Variants in KHK observed in about 807,000 individuals in gnomAD.
KHK encodes the protein fructokinase.
KHK carries 37 observed loss-of-function variants against 36.0 expected under a neutral mutation model. The ratio of observed to expected loss-of-function variants is 1.03; its 90% CI spans 0.79 to 1.35. KHK has a LOEUF of 1.35. KHK is among the 40% of genes most tolerant of loss of function. The probability of loss-of-function intolerance (pLI) is 0.00; values close to 1 mark genes in which losing one functional copy is unlikely to be tolerated. For synonymous variants in KHK, 161 were observed against 162.8 expected (o/e 0.99, Z 0.08); for missense variants, 395 against 391.9 (o/e 1.01, Z -0.07).
At chr2:27,097,221 A>C (rs1262509546) in intron 4 of KHK, among the ~76,000 whole-genome samples, 3 of 152,230 alleles carry the variant, frequency 2.0e-5, no homozygotes, top group Non-Finnish European at 4.4e-5. Context: ...GGGTGGAAGG[A>C]AATCCTGAGA....
In KHK at chr2:27,097,665, A is replaced by G. The variant is rs751920749; in HGVS notation, c.564+16A>G. On this transcript the variant is annotated intron_variant, in intron 5 of 7. Transcript: ENST00000260598. ...CGGAGACGTGGTGGGTGCCCCATTC[A>G]GCCTCTCTTTGCCACTTCCAGCTAA... 8.1e-6 allele frequency: 13 copies of G among 1,613,608 alleles called. No homozygotes were observed. In the South Asian group the frequency reaches 1.4e-4, roughly 18 times the overall value.
chr2:27,094,829 G>A lies in KHK; in HGVS notation c.239G>A (p.Gly80Asp), dbSNP rs957958227. 1.9e-6 allele frequency: 3 copies of A among 1,614,042 alleles called. No individual in the cohort carries two copies. Among genetic ancestry groups the A allele is most frequent in the South Asian group, 1.1e-5 (1 of 91,084 alleles). Residue 80 changes from glycine to aspartate, a missense_variant, in exon 3 of 8, where the codon GGC becomes GAC. Transcript: ENST00000260598. Reference sequence around the variant, plus strand: ...CTGGTGGCCGACTTCAGGCGGCGGGGCGTGGACGTGTCTCAGGTGGCCTGG... The same window carrying A: ...CTGGTGGCCGACTTCAGGCGGCGGGACGTGGACGTGTCTCAGGTGGCCTGG... Reference protein sequence around the residue: ...DFLVADFRRRGVDVSQVAWQS... With the variant: ...DFLVADFRRRDVDVSQVAWQS...
chr2:27,089,076 T>C (rs1669832444), intron 1 of KHK, among the ~76,000 whole-genome samples: 1 of 152,204 alleles, frequency 6.6e-6, no homozygotes. Flanking sequence ...AAATCCTTTA[T>C]ACAGATAAGG....
chr2:27,092,561 G>C, intron 2 of KHK, 113 bp downstream of exon 2: 3 of 790,016 alleles, frequency 3.8e-6, no homozygotes, highest in Non-Finnish European at 6.4e-6. Context: ...GTGTCCAGCA[G>C]AAACGCGGGG....
intron 3 of KHK, among the ~76,000 whole-genome samples, chr2:27,096,106 G>C (rs1239703926): frequency 2.0e-5 from 3 of 152,222 alleles, no homozygotes; most frequent in Admixed American, 2.0e-4. Flanking sequence ...GAAGGACTCG[G>C]CTACAGAACG....
chr2:27,097,637 C>G lies in KHK; in HGVS notation c.552C>G (p.Gly184=), dbSNP rs371733776. 21 of 1,614,100 alleles carry G rather than the reference C, an allele frequency of 1.3e-5. No individual in the cohort carries two copies. In the African/African-American group the frequency reaches 2.5e-4, roughly 19 times the overall value. The stretch of plus-strand genomic sequence containing the variant: ...GAGAGGAGCTCTTCCAGCTGTTTGG[C>G]TACGGAGACGTGGTGGGTGCCCCAT... ...KPREELFQLF[G]YGDVVFVSKD... The change falls in exon 5 of 8, where the codon GGC becomes GGG. Residue 184 remains glycine (G), a synonymous_variant. Coordinates refer to ENST00000260598, the MANE Select transcript of KHK (RefSeq NM_006488.3).
In KHK at chr2:27,099,953, A is replaced by C; in HGVS notation, c.*203A>C. On this transcript the variant is annotated 3_prime_UTR_variant, in exon 8 of 8. Coordinates refer to ENST00000260598, the MANE Select transcript of KHK (RefSeq NM_006488.3). ...GGGATGCAGAGCCTCAGAGCAAATAAATCTTCCTCAGAGCCAGCTTCTCCT... is the reference window on the plus strand; with the variant it reads ...GGGATGCAGAGCCTCAGAGCAAATACATCTTCCTCAGAGCCAGCTTCTCCT... 8.6e-7 allele frequency: 1 copy of C among 1,166,532 alleles called. No homozygotes were observed. Among genetic ancestry groups the C allele is most frequent in the South Asian group, 1.3e-5 (1 of 75,568 alleles). 72.3% of individuals were successfully genotyped at this position (1,166,532 alleles called of 1,614,324 possible). A position where few individuals can be genotyped will look rare whatever the true frequency, so the allele number is the denominator to read the frequency against.
intron 2 of KHK, among the ~76,000 whole-genome samples, chr2:27,093,855 C>T (rs762571073): frequency 3.9e-5 from 6 of 152,282 alleles, no homozygotes; most frequent in African/African-American, 9.6e-5. Flanking sequence ...GCATCAGGCA[C>T]GGGGAGCCAG....
Position 27,087,188 on chromosome 2 carries a change from C to A in KHK, c.-72C>A. On this transcript the variant is annotated 5_prime_UTR_variant, in exon 1 of 8. Coordinates refer to ENST00000260598, the MANE Select transcript of KHK (RefSeq NM_006488.3). Reference sequence around the variant, plus strand: ...GGCAGCTGGGAGCGGGGACACCATCCTCCTGGATAAGAGGCAGAGGCCGGG... The same window carrying A: ...GGCAGCTGGGAGCGGGGACACCATCATCCTGGATAAGAGGCAGAGGCCGGG... The A allele has an allele frequency of 7.6e-7, 1 of 1,323,800 alleles. No homozygotes were observed. Among genetic ancestry groups the A allele is most frequent in the Non-Finnish European group, 1.1e-6 (1 of 942,456 alleles). 82.0% of individuals were successfully genotyped at this position (1,323,800 alleles called of 1,614,324 possible). A position where few individuals can be genotyped will look rare whatever the true frequency, so the allele number is the denominator to read the frequency against.
intron 2 of KHK, 91 bp from the exon 3 acceptor site, chr2:27,094,709 C>A: frequency 1.9e-6 from 3 of 1,612,714 alleles, no homozygotes; most frequent in Non-Finnish European, 2.5e-6. Context: ...TGCTCCAGCA[C>A]CCTCTCCCCA....
Position 27,096,762 on chromosome 2 carries a change from G to A in KHK, c.378G>A (p.Glu126=), listed in dbSNP as rs200678671. The A allele has an allele frequency of 6.2e-7, 1 of 1,614,114 alleles. No individual in the cohort carries two copies. The highest frequency in any genetic ancestry group is 2.2e-5 in the East Asian group (1 of 44,884). ...CAGATGTGTCTGCTACAGACTTTGA[G>A]AAGGTTGATCTGACCCAGTTCAAGT... ...SLPDVSATDF[E]KVDLTQFKWI... The change falls in exon 4 of 8, where the codon GAG becomes GAA. Residue 126 remains glutamate, a synonymous_variant. Coordinates refer to ENST00000260598, the MANE Select transcript of KHK (RefSeq NM_006488.3).
chr2:27,091,142 A>G (rs1669978847), intron 1 of KHK, among the ~76,000 whole-genome samples: 1 of 148,760 alleles, frequency 6.7e-6, no homozygotes, highest in African/African-American at 2.5e-5. Context: ...GCTGGAGTGC[A>G]GTATCATGGC....
In KHK at chr2:27,092,365, C is replaced by G. The variant is rs1418153355; in HGVS notation, c.126C>G (p.Asn42Lys). ...CLSQRWQRGG[N>K]ASNSCTVLSL... ...CCCAGAGATGGCAGCGCGGAGGCAACGCGTCCAACTCCTGCACCGTTCTCT... is the reference window on the plus strand; with the variant it reads ...CCCAGAGATGGCAGCGCGGAGGCAAGGCGTCCAACTCCTGCACCGTTCTCT... Residue 42 changes from asparagine to lysine, a missense_variant, in exon 2 of 8, where the codon AAC (asparagine) becomes AAG (lysine). By Grantham distance (94) the Asn-to-Lys change is moderately conservative (BLOSUM62 0). Coordinates refer to ENST00000260598, the MANE Select transcript of KHK (RefSeq NM_006488.3). 2 of 1,613,336 alleles carry G rather than the reference C, an allele frequency of 1.2e-6. No homozygotes were observed. The highest frequency in any genetic ancestry group is 1.7e-6 in the Non-Finnish European group (2 of 1,180,010).
intron 2 of KHK, chr2:27,094,395 C>T (rs901039481): frequency 3.2e-6 from 5 of 1,550,692 alleles, no homozygotes; most frequent in Non-Finnish European, 2.6e-6. Context: ...CTTTCAGGGT[C>T]CCTAGTGGCC....
intron 1 of KHK, among the ~76,000 whole-genome samples, chr2:27,088,676 A>C (rs922621005): frequency 6.6e-6 from 1 of 151,438 alleles, no homozygotes; most frequent in Non-Finnish European, 1.5e-5. Context: ...TGCCCGTCTC[A>C]GTCCCCCAAA....
Position 27,100,371 on chromosome 2 carries a change from C to T in KHK, c.*621C>T. Reference sequence around the variant, plus strand: ...CTTCATTGTCCAGAAATACCTCCTCCCGCTGACTGCCCCAGAGCCTGAAAG... The same window carrying T: ...CTTCATTGTCCAGAAATACCTCCTCTCGCTGACTGCCCCAGAGCCTGAAAG... On this transcript the variant is annotated 3_prime_UTR_variant, in exon 8 of 8. Transcript: ENST00000260598. 8.3e-7 allele frequency: 1 copy of T among 1,211,270 alleles called. No homozygotes were observed. The highest frequency in any genetic ancestry group is 1.1e-6 in the Non-Finnish European group (1 of 917,110). 75.0% of individuals were successfully genotyped at this position (1,211,270 alleles called of 1,614,324 possible).
rs368056714 is a variant in KHK at position 27,099,503 on chromosome 2, C to T, written c.737C>T (p.Pro246Leu). The T allele has an allele frequency of 2.6e-5, 42 of 1,614,010 alleles. No individual in the cohort carries two copies. The highest frequency in any genetic ancestry group is 6.7e-5 in the African/African-American group (5 of 74,920). The change falls in exon 7 of 8, where the codon CCG becomes CTG. Residue 246 changes from proline (P) to leucine (L), a missense_variant. Pro to Leu is a moderately conservative substitution (Grantham distance 98). Transcript: ENST00000260598. ...AAATTGCTCCACTCGGATGCTTTCC[C>T]GCCACCCCGCGTGGTGGATACACTG... ...DGKLLHSDAF[P>L]PPRVVDTLGA... is the part of the protein sequence containing the mutation.
rs1370791005 is a variant in KHK, at chr2:27,087,099, C to G, written c.-161C>G. 6 of 617,748 alleles carry G rather than the reference C, an allele frequency of 9.7e-6. No homozygotes were observed. The highest frequency in any genetic ancestry group is 1.7e-5 in the Non-Finnish European group (6 of 347,462). The allele number at this position is 617,748 out of a possible 1,614,324, so 38.3% of individuals were successfully genotyped here. The stretch of plus-strand genomic sequence containing the variant: ...GGAAGGGCCCTGCTCCTTTCGTTCC[C>G]TGCACCCCTGGCCGCTGCAGGTGGC... On this transcript the variant is annotated 5_prime_UTR_variant, in exon 1 of 8. Coordinates refer to ENST00000260598, the MANE Select transcript of KHK (RefSeq NM_006488.3).
chr2:27,092,196 G>A (rs6754371), intron 1 of KHK, 136 bp from the exon 2 acceptor site: 455,238 of 781,068 alleles, frequency 0.58, 138,729 homozygotes, highest in East Asian at 0.78. Flanking sequence ...CGGCTGCCCC[G>A]GGTACAAAGT....
Sources: allele counts gnomAD v4.1 joint callset (sites outside exome capture counted in the v4.1 genomes callset), GRCh38; gene constraint gnomAD v4.1.1; transcripts MANE v1.5; gene names NCBI Gene and HGNC (gene_info 2026-07-23, HGNC 2026-07-21).